The following NCAM2 variants were observed in gnomAD, a reference collection of about 807,000 sequenced individuals.
NCAM2 encodes neural cell adhesion molecule 2.
NCAM2 carries 30 observed loss-of-function variants against 98.1 expected under a neutral mutation model. The observed-to-expected ratio is 0.31, with a 90% CI of 0.23 to 0.41. The LOEUF (loss-of-function observed/expected upper bound fraction) is 0.41, where lower values mean the gene tolerates loss of function less well. Among genes scored for constraint, NCAM2 ranks in the 10% least tolerant of loss-of-function variants. The pLI is 1.00. For missense variants in NCAM2, 867 were observed against 1,005.8 expected (o/e 0.86, Z 1.87); for synonymous variants, 368 against 342.4 (o/e 1.07, Z -0.83).
chr21:21,206,641 T>TTA (rs1245223444), intron 1 of NCAM2, among the ~76,000 whole-genome samples: 1 of 152,080 alleles, frequency 6.6e-6, no homozygotes, highest in African/African-American at 2.4e-5. Flanking sequence ...ACAGGTGTTG[T>TTA]TATATGCTTC....
At chr21:21,214,770 A>AAT (rs1478920904) in intron 1 of NCAM2, among the ~76,000 whole-genome samples, 78 of 121,672 alleles carry the variant, frequency 6.4e-4, no homozygotes, top group African/African-American at 2.2e-3. Context: ...ACATATATGT[A>AAT]ATATATATAT....
intron 1 of NCAM2, among the ~76,000 whole-genome samples, chr21:21,041,570 TGCC>T (rs779471568): frequency 6.6e-6 from 1 of 152,224 alleles, no homozygotes; most frequent in East Asian, 1.9e-4. Flanking sequence ...TAAAGAGTAG[TGCC>T]TGAACCTGGT....
chr21:21,175,046 GT>G (rs527579826), intron 1 of NCAM2, among the ~76,000 whole-genome samples: 15 of 151,442 alleles, frequency 9.9e-5, no homozygotes, highest in African/African-American at 2.4e-4. Flanking sequence ...CAGTAATAAA[GT>G]TTTTTTTTCT....
chr21:21,409,836 A>G (rs1276785095), intron 9 of NCAM2, among the ~76,000 whole-genome samples: 1 of 152,094 alleles, frequency 6.6e-6, no homozygotes, highest in East Asian at 1.9e-4. Context: ...TTAGGCTGGG[A>G]GCGGTGGCTC....
At chr21:21,475,806 A>G (rs150490729) in intron 14 of NCAM2, among the ~76,000 whole-genome samples, 1 of 152,132 alleles carries the variant, frequency 6.6e-6, no homozygotes, top group Non-Finnish European at 1.5e-5. Context: ...TTTTACACGA[A>G]ATAGCAAAAC....
chr21:21,237,284 T>G (rs910014281), intron 1 of NCAM2, among the ~76,000 whole-genome samples: 8 of 152,154 alleles, frequency 5.3e-5, no homozygotes, highest in African/African-American at 1.9e-4. Flanking sequence ...TTCAATTTTT[T>G]TAAGGTTCCA....
chr21:21,468,205 C>T (rs917501352), intron 13 of NCAM2, among the ~76,000 whole-genome samples: 1 of 151,856 alleles, frequency 6.6e-6, no homozygotes, highest in Non-Finnish European at 1.5e-5. Flanking sequence ...CTTATTAAAG[C>T]ACATTTACTA....
intron 1 of NCAM2, among the ~76,000 whole-genome samples, chr21:21,051,757 T>A (rs1395954632): frequency 6.6e-6 from 1 of 152,172 alleles, no homozygotes; most frequent in East Asian, 1.9e-4. Context: ...TTTTCCAAAT[T>A]TACTTTCTGG....
At chr21:21,263,468 A>T (rs959474170) in intron 1 of NCAM2, among the ~76,000 whole-genome samples, 4 of 152,084 alleles carry the variant, frequency 2.6e-5, no homozygotes, top group African/African-American at 9.7e-5. Context: ...AATGAAATTC[A>T]TATAAAATTA....
intron 12 of NCAM2, among the ~76,000 whole-genome samples, chr21:21,441,757 C>T (rs968685066): frequency 7.1e-6 from 1 of 140,846 alleles, no homozygotes; most frequent in Middle Eastern, 3.4e-3. Context: ...GCCTCCCAGG[C>T]AGAGTTAAGC....
In NCAM2 at chr21:21,536,856, G is replaced by A. The variant is rs533984625; in HGVS notation, c.2403-990G>A. ...TTGGCATCGAAGTAGGGTTTATGAC[G>A]CTGTCTTGATATTAAGAAATAAAGT... On this transcript the variant is annotated intron_variant, in intron 17 of 17. Coordinates refer to ENST00000400546, the MANE Select transcript of NCAM2 (RefSeq NM_004540.5). Among the ~76,000 whole-genome samples, 132 of 152,194 alleles carry A rather than the reference G, an allele frequency of 8.7e-4. 1 individual carries two copies. The highest frequency in any genetic ancestry group is 1.2e-3 in the Non-Finnish European group (80 of 68,016).
At chr21:21,319,344 A>G (rs2074309797) in intron 5 of NCAM2, among the ~76,000 whole-genome samples, 1 of 152,196 alleles carries the variant, frequency 6.6e-6, no homozygotes, top group African/African-American at 2.4e-5. Context: ...ACTGTAATTA[A>G]TAAAAATAAC....
intron 15 of NCAM2, among the ~76,000 whole-genome samples, chr21:21,481,189 AT>A (rs1317073529): frequency 2.0e-5 from 3 of 152,186 alleles, no homozygotes; most frequent in Non-Finnish European, 4.4e-5. Context: ...CACAGCAGTG[AT>A]TTCCAGAGAA....
At chr21:21,327,394 C>CCTCT (rs1204304754) in intron 6 of NCAM2, among the ~76,000 whole-genome samples, 1 of 151,896 alleles carries the variant, frequency 6.6e-6, no homozygotes, top group Non-Finnish European at 1.5e-5. Context: ...GGTGGCCTTC[C>CCTCT]CTCTGTGTAC....
At chr21:21,527,604 A>T (rs1989400133) in intron 16 of NCAM2, among the ~76,000 whole-genome samples, 1 of 152,200 alleles carries the variant, frequency 6.6e-6, no homozygotes, top group Admixed American at 6.5e-5. Flanking sequence ...TTATGAAAAG[A>T]CATTTCAAAT....
intron 3 of NCAM2, among the ~76,000 whole-genome samples, 180 bp downstream of exon 3, chr21:21,284,580 A>G (rs1199579623): frequency 6.6e-6 from 1 of 151,896 alleles, no homozygotes; most frequent in Admixed American, 6.6e-5. Flanking sequence ...ATAAGTGGTT[A>G]TAAACATATA....
At chr21:21,415,643 G>C (rs550280749) in intron 10 of NCAM2, among the ~76,000 whole-genome samples, 5 of 152,246 alleles carry the variant, frequency 3.3e-5, no homozygotes, top group Middle Eastern at 3.4e-3. Flanking sequence ...CCCTTAGCTT[G>C]ATCTTCTGGA....
intron 16 of NCAM2, among the ~76,000 whole-genome samples, chr21:21,530,437 C>G (rs1335459065): frequency 6.7e-6 from 1 of 149,044 alleles, no homozygotes; most frequent in Non-Finnish European, 1.5e-5. Flanking sequence ...AATCAAAGAC[C>G]TTAATCAATA....
intron 1 of NCAM2, among the ~76,000 whole-genome samples, chr21:21,010,479 TC>T (rs2064189435): frequency 6.6e-6 from 1 of 152,128 alleles, no homozygotes; most frequent in Admixed American, 6.5e-5. Flanking sequence ...TGCTTTCAAG[TC>T]CCTGTATCAT....
Sources: allele counts gnomAD v4.1 joint callset (sites outside exome capture counted in the v4.1 genomes callset), GRCh38; gene constraint gnomAD v4.1.1; transcripts MANE v1.5; gene names NCBI Gene and HGNC (gene_info 2026-07-23, HGNC 2026-07-21).